ARFGEF3: variants seen among roughly 807,000 people sequenced by gnomAD.
ARFGEF3 encodes the protein brefeldin A-inhibited guanine nucleotide-exchange protein 3.
ARFGEF3 carries 96 observed loss-of-function variants against 221.7 expected under a neutral mutation model. The observed-to-expected ratio is 0.43, with a 90% CI of 0.37 to 0.51. The LOEUF (loss-of-function observed/expected upper bound fraction) is 0.51, where lower values mean the gene tolerates loss of function less well. ARFGEF3 is among the 20% of genes least tolerant of loss of function. ARFGEF3 has a pLI of 0.00. For synonymous variants in ARFGEF3, 1,145 were observed against 1,126.8 expected (o/e 1.02, Z -0.32); for missense variants, 2,410 against 2,789.9 (o/e 0.86, Z 3.07).
chr6:138,279,148 G>A (rs1346783438), intron 13 of ARFGEF3, among the ~76,000 whole-genome samples: 1 of 151,670 alleles, frequency 6.6e-6, no homozygotes, highest in East Asian at 1.9e-4. Context: ...CCAAGTAGCT[G>A]GGACTACAGG....
intron 12 of ARFGEF3, among the ~76,000 whole-genome samples, chr6:138,266,071 C>T (rs1397193421): frequency 3.3e-5 from 5 of 151,914 alleles, no homozygotes; most frequent in Admixed American, 3.3e-4. Context: ...CAAAAATTAG[C>T]CAAGCATGGT....
At chr6:138,184,131 A>G (rs1249131283) in intron 2 of ARFGEF3, among the ~76,000 whole-genome samples, 1 of 152,190 alleles carries the variant, frequency 6.6e-6, no homozygotes, top group Admixed American at 6.5e-5. Context: ...GATTGTATCT[A>G]TTTACCATAT....
rs1779565550 is a variant in ARFGEF3, at chr6:138,298,595, GA to G, written c.3649-9del. On this transcript the variant is annotated splice_polypyrimidine_tract_variant and intron_variant, in intron 21 of 33. Transcript: ENST00000251691. The stretch of plus-strand genomic sequence containing the variant: ...TCCTGATGGTGAGCCACTCTCTCGT[GA>G]ATTTTGCAGGCTGCTTGCCATAAGG... 1 of 1,609,050 alleles carries G rather than the reference GA, an allele frequency of 6.2e-7. No individual in the cohort carries two copies. Among genetic ancestry groups the G allele is most frequent in the Non-Finnish European group, 8.5e-7 (1 of 1,177,362 alleles).
At chr6:138,230,647 A>C (rs1468157128) in intron 5 of ARFGEF3, among the ~76,000 whole-genome samples, 1 of 152,228 alleles carries the variant, frequency 6.6e-6, no homozygotes, top group African/African-American at 2.4e-5. Context: ...TTATGGTATC[A>C]TGTGGTATTA....
Position 138,291,812 on chromosome 6 carries a change from C to A in ARFGEF3, c.3127C>A (p.Pro1043Thr). The A allele has an allele frequency of 6.7e-7, 1 of 1,482,834 alleles. No homozygotes were observed. Among genetic ancestry groups the A allele is most frequent in the South Asian group, 1.4e-5 (1 of 71,310 alleles). The allele number at this position is 1,482,834 out of a possible 1,614,324, so 91.9% of individuals were successfully genotyped here. A position where few individuals can be genotyped will look rare whatever the true frequency, so the allele number is the denominator to read the frequency against. Reference sequence around the variant, plus strand: ...GCAGCCCCCTCTGACCATCAGCCAGCCCCAGAAGGCCACTGGAAGCGCTGG... The same window carrying A: ...GCAGCCCCCTCTGACCATCAGCCAGACCCAGAAGGCCACTGGAAGCGCTGG... ...ASQPPLTISQ[P>T]QKATGSAGLL... The change falls in exon 19 of 34, where the codon CCC (proline) becomes ACC (threonine). Residue 1043 changes from proline (P) to threonine (T), a missense_variant. Transcript: ENST00000251691. The surrounding 1 kb of genome is among the most constrained non-coding windows in gnomAD (Gnocchi z 4.5).
intron 13 of ARFGEF3, among the ~76,000 whole-genome samples, 192 bp from the exon 14 acceptor site, chr6:138,279,807 A>G (rs546273309): frequency 1.3e-5 from 2 of 152,342 alleles, no homozygotes; most frequent in East Asian, 1.9e-4. Context: ...AAAAGGTGTC[A>G]TCAGTGAAGG....
chr6:138,184,204 T>C lies in ARFGEF3; in HGVS notation c.137+13491T>C, dbSNP rs115175690. Among the ~76,000 whole-genome samples the C allele has an allele frequency of 2.9e-3, 446 of 152,338 alleles. 4 individuals are homozygous for C. The highest frequency in any genetic ancestry group is 0.027 in the Middle Eastern group (8 of 294). ...AAATAATAGCAAACCCATTTGATGTTAATATAAATGATATAATTTTAATGA... is the reference window on the plus strand; with the variant it reads ...AAATAATAGCAAACCCATTTGATGTCAATATAAATGATATAATTTTAATGA... On this transcript the variant is annotated intron_variant, in intron 2 of 33. Coordinates refer to ENST00000251691, the MANE Select transcript of ARFGEF3 (RefSeq NM_020340.5).
At chr6:138,308,603 T>TA (rs1341893471) in intron 23 of ARFGEF3, 136 bp from the exon 24 acceptor site, 1 of 953,144 alleles carries the variant, frequency 1.0e-6, no homozygotes, top group African/African-American at 1.6e-5. Context: ...AATGGCCCAA[T>TA]AAAAAACCCA....
rs1362627250 is a variant in ARFGEF3 at position 138,243,014 on chromosome 6, C to G, written c.586+20C>G. Reference sequence around the variant, plus strand: ...ATCAAGGTATGGCATTTGATTTGTACTAGTTCAGTTTTTAAAGCAGGTGTG... The same window carrying G: ...ATCAAGGTATGGCATTTGATTTGTAGTAGTTCAGTTTTTAAAGCAGGTGTG... On this transcript the variant is annotated intron_variant, in intron 7 of 33. Transcript: ENST00000251691. 4 of 1,604,926 alleles carry G rather than the reference C, an allele frequency of 2.5e-6. No individual in the cohort carries two copies. The highest frequency in any genetic ancestry group is 3.4e-6 in the Non-Finnish European group (4 of 1,173,328).
chr6:138,336,348 C>T lies in ARFGEF3; in HGVS notation c.6396C>T (p.Asp2132=), dbSNP rs1156980275. The change falls in exon 34 of 34, where the codon GAC becomes GAT. Residue 2132 remains aspartate, a synonymous_variant. Transcript: ENST00000251691. The part of the protein sequence containing the change: ...TVLNQIQILP[D]QTFTALQPAV... ...TCAATCAGATTCAGATTCTCCCAGA[C>T]CAGACCTTCACGGCCCTCCAGCCCG... is the stretch of plus-strand genomic sequence containing the variant. 1 of 1,610,492 alleles carries T rather than the reference C, an allele frequency of 6.2e-7. No individual in the cohort carries two copies.
intron 4 of ARFGEF3, among the ~76,000 whole-genome samples, chr6:138,214,583 T>A (rs895895030): frequency 6.6e-6 from 1 of 152,232 alleles, no homozygotes; most frequent in Non-Finnish European, 1.5e-5. Flanking sequence ...CATATTGGTA[T>A]CTGTTAGTGC....
At chr6:138,200,487 A>G (rs1044948244) in intron 2 of ARFGEF3, among the ~76,000 whole-genome samples, 1 of 152,240 alleles carries the variant, frequency 6.6e-6, no homozygotes, top group African/African-American at 2.4e-5. Flanking sequence ...ACATAGACCA[A>G]TGGAACAGAA....
At chr6:138,260,112 G>A (rs1296329312) in intron 10 of ARFGEF3, among the ~76,000 whole-genome samples, 1 of 152,276 alleles carries the variant, frequency 6.6e-6, no homozygotes, top group Non-Finnish European at 1.5e-5. Context: ...GGCCTGTAGA[G>A]AGGGGGCGAG....
intron 2 of ARFGEF3, among the ~76,000 whole-genome samples, chr6:138,180,042 G>A (rs1378314390): frequency 6.6e-6 from 1 of 152,148 alleles, no homozygotes; most frequent in African/African-American, 2.4e-5. Context: ...CAAATTCCTG[G>A]CTTCAAGCGA....
intron 5 of ARFGEF3, among the ~76,000 whole-genome samples, chr6:138,235,020 A>AT (rs1279888753): frequency 6.6e-6 from 1 of 152,208 alleles, no homozygotes; most frequent in Non-Finnish European, 1.5e-5. Flanking sequence ...ATTGAAAAAT[A>AT]TATGTATATA....
intron 32 of ARFGEF3, among the ~76,000 whole-genome samples, chr6:138,332,450 C>A (rs1217977829): frequency 6.6e-6 from 1 of 152,156 alleles, no homozygotes; most frequent in Admixed American, 6.6e-5. Context: ...TTATAGCTAT[C>A]AGGGGGACAG....
chr6:138,197,191 A>G (rs1223160891), intron 2 of ARFGEF3, among the ~76,000 whole-genome samples: 3 of 150,488 alleles, frequency 2.0e-5, no homozygotes, highest in Non-Finnish European at 3.0e-5. Context: ...ACAAACACAC[A>G]TTAGCCTAGA....
chr6:138,263,076 C>A lies in ARFGEF3; in HGVS notation c.1593C>A (p.Asn531Lys). 1 of 1,613,718 alleles carries A rather than the reference C, an allele frequency of 6.2e-7. No individual in the cohort carries two copies. The highest frequency in any genetic ancestry group is 8.5e-7 in the Non-Finnish European group (1 of 1,179,796). The change falls in exon 12 of 34, where the codon AAC becomes AAA. Residue 531 changes from asparagine (N) to lysine (K), a missense_variant. Asn to Lys is a moderately conservative substitution (Grantham distance 94). Transcript: ENST00000251691. ...CTACACCCGAGGACCATTCGGGAAACCACAAGAACAGTCTCAAGTCGCCAG... is the reference window on the plus strand; with the variant it reads ...CTACACCCGAGGACCATTCGGGAAAACACAAGAACAGTCTCAAGTCGCCAG... ...GQTTPEDHSG[N>K]HKNSLKSPAI...
chr6:138,298,461 T>A (rs1779562508), intron 21 of ARFGEF3, 145 bp from the exon 22 acceptor site: 4 of 611,340 alleles, frequency 6.5e-6, no homozygotes, highest in Non-Finnish European at 1.1e-5. Flanking sequence ...ATGCAGTTTG[T>A]TTAGACTTAT....
Sources: allele counts gnomAD v4.1 joint callset (sites outside exome capture counted in the v4.1 genomes callset), GRCh38; gene constraint gnomAD v4.1.1; non-coding constraint Gnocchi (gnomAD v3.1); transcripts MANE v1.5; gene names NCBI Gene and HGNC (gene_info 2026-07-23, HGNC 2026-07-21).